The following SEPTIN9 variants were observed in gnomAD, a reference collection of about 807,000 sequenced individuals.
SEPTIN9 encodes septin 9, also known as septin-9.
SEPTIN9 carries 13 observed loss-of-function variants against 56.6 expected under a neutral mutation model. The observed-to-expected ratio is 0.23, with a 90% confidence interval of 0.15 to 0.37. The LOEUF (loss-of-function observed/expected upper bound fraction) is 0.37, where lower values mean the gene tolerates loss of function less well. Ranked by LOEUF, SEPTIN9 falls within the 10% of genes least tolerant of loss-of-function variation. The pLI is 1.00. For missense variants in SEPTIN9, 650 were observed against 823.1 expected (o/e 0.79, Z 2.57); for synonymous variants, 332 against 334.1 (o/e 0.99, Z 0.07).
At chr17:77,289,868 C>G (rs1424726605) in intron 1 of SEPTIN9, among the ~76,000 whole-genome samples, 1 of 152,182 alleles carries the variant, frequency 6.6e-6, no homozygotes, top group East Asian at 1.9e-4. Flanking sequence ...CAATCATTGG[C>G]TGTAGCATTT....
At chr17:77,359,064 G>A (rs973668083) in intron 2 of SEPTIN9, among the ~76,000 whole-genome samples, 4 of 152,178 alleles carry the variant, frequency 2.6e-5, no homozygotes, top group Non-Finnish European at 2.9e-5. Context: ...AGGGAAGAAG[G>A]GAGAGGGGAA....
chr17:77,374,538 G>C (rs1478448776), intron 2 of SEPTIN9: 1 of 152,260 alleles, frequency 6.6e-6, no homozygotes, highest in Non-Finnish European at 1.5e-5. Context: ...CCGCCCCTCG[G>C]AGAGGCTCCT....
Position 77,499,587 on chromosome 17 carries a change from G to T in SEPTIN9, c.*929G>T, listed in dbSNP as rs1218194901. 2.3e-6 allele frequency: 1 copy of T among 444,364 alleles called. No homozygotes were observed. The highest frequency in any genetic ancestry group is 3.3e-5 in the Admixed American group (1 of 30,484). 27.5% of individuals were successfully genotyped at this position (444,364 alleles called of 1,614,324 possible). ...GGGGGCACGTGTGGGCCGTGGCTTG[G>T]GCTGGTCAGAGTGGCGTGAGCTGCC... On this transcript the variant is annotated 3_prime_UTR_variant, in exon 12 of 12. Transcript: ENST00000427177.
intron 4 of SEPTIN9, chr17:77,482,781 C>T (rs1344893124): frequency 3.0e-5 from 17 of 557,750 alleles, no homozygotes; most frequent in African/African-American, 9.4e-5. Flanking sequence ...ATTGGGGCCT[C>T]GTGGCTTCCA....
chr17:77,358,225 G>A (rs990479405), intron 2 of SEPTIN9, among the ~76,000 whole-genome samples: 2 of 152,190 alleles, frequency 1.3e-5, no homozygotes, highest in African/African-American at 2.4e-5. Flanking sequence ...TTGGGGGTGT[G>A]AGCAGCCCAG....
rs1448696023 is a variant in SEPTIN9, at chr17:77,405,010, G to A, written c.721+2307G>A. On this transcript the variant is annotated intron_variant, in intron 3 of 11. Coordinates refer to ENST00000427177, the MANE Select transcript of SEPTIN9 (RefSeq NM_001113491.2). The surrounding 1 kb of genome is among the most constrained non-coding windows in gnomAD (Gnocchi z 5.8). Reference sequence around the variant, plus strand: ...GACGTGCCGGATACACCCCCATCCTGGGTTGATGTGTTCACACTCAGCTGA... The same window carrying A: ...GACGTGCCGGATACACCCCCATCCTAGGTTGATGTGTTCACACTCAGCTGA... 7.1e-7 allele frequency: 1 copy of A among 1,415,892 alleles called. No homozygotes were observed. The highest frequency in any genetic ancestry group is 9.6e-7 in the Non-Finnish European group (1 of 1,046,428). 87.7% of individuals were successfully genotyped at this position (1,415,892 alleles called of 1,614,324 possible).
At position 77,369,858 on chromosome 17, in the gene SEPTIN9, C is replaced by T. The variant is rs912712445; in HGVS notation, c.77-32201C>T. On this transcript the variant is annotated intron_variant, in intron 2 of 11. Coordinates refer to ENST00000427177, the MANE Select transcript of SEPTIN9 (RefSeq NM_001113491.2). The surrounding 1 kb of genome is among the most constrained non-coding windows in gnomAD (Gnocchi z 4.9). The stretch of plus-strand genomic sequence containing the variant: ...ATGTGTGCGCCAAACGCTGCTTCCT[C>T]GTGGATTTCCTCCCCACTCCGTTCC... 2.5e-4 allele frequency among the ~76,000 whole-genome samples: 38 copies of T among 152,220 alleles called. No individual in the cohort carries two copies. Among genetic ancestry groups the T allele is most frequent in the Admixed American group, 1.3e-3 (20 of 15,288 alleles).
intron 2 of SEPTIN9, 99 bp from the exon 3 acceptor site, chr17:77,401,960 G>C: frequency 2.3e-6 from 3 of 1,288,398 alleles, no homozygotes; most frequent in Non-Finnish European, 3.2e-6. Flanking sequence ...CCTCACCGCC[G>C]CATCGCCTGC....
intron 7 of SEPTIN9, among the ~76,000 whole-genome samples, chr17:77,489,515 G>A (rs1323978776): frequency 1.3e-5 from 2 of 152,228 alleles, no homozygotes; most frequent in Non-Finnish European, 2.9e-5. Flanking sequence ...CTGAGCCAGG[G>A]CTGGGAGGAG....
At chr17:77,334,960 A>G (rs778593032) in intron 2 of SEPTIN9, among the ~76,000 whole-genome samples, 20 of 152,164 alleles carry the variant, frequency 1.3e-4, no homozygotes, top group Non-Finnish European at 2.8e-4. Context: ...ATATTAGTAT[A>G]TGTACGTATA....
In SEPTIN9 at chr17:77,498,997, A is replaced by G. The variant is rs983755394; in HGVS notation, c.*339A>G. 5.6e-6 allele frequency: 3 copies of G among 539,920 alleles called. No homozygotes were observed. The highest frequency in any genetic ancestry group is 1.1e-5 in the Non-Finnish European group (3 of 279,134). The allele number at this position is 539,920 out of a possible 1,614,324, so 33.4% of individuals were successfully genotyped here. On this transcript the variant is annotated 3_prime_UTR_variant, in exon 12 of 12. Coordinates refer to ENST00000427177, the MANE Select transcript of SEPTIN9 (RefSeq NM_001113491.2). Reference sequence around the variant, plus strand: ...GATCATCCGTCTGTGTGGGGTTCTCAGTGCCGGAGGCCTTGGGGTGGGGGC... The same window carrying G: ...GATCATCCGTCTGTGTGGGGTTCTCGGTGCCGGAGGCCTTGGGGTGGGGGC...
rs757653992 is a variant in SEPTIN9 at position 77,451,907 on chromosome 17, G to A, written c.722-30237G>A. Among the ~76,000 whole-genome samples, 1 of 152,186 alleles carries A rather than the reference G, an allele frequency of 6.6e-6. No homozygotes were observed. Among genetic ancestry groups the A allele is most frequent in the Non-Finnish European group, 1.5e-5 (1 of 68,038 alleles). On this transcript the variant is annotated intron_variant, in intron 3 of 11. Transcript: ENST00000427177. This position sits in a 1 kb window ranked among gnomAD's most constrained non-coding sequence, Gnocchi z 4.2. ...TTCCAGGAGGGCCAGGAAGAAATTCGAATTGGCCACCGCTTTCTCTAAAAT... is the reference window on the plus strand; with the variant it reads ...TTCCAGGAGGGCCAGGAAGAAATTCAAATTGGCCACCGCTTTCTCTAAAAT...
Position 77,400,997 on chromosome 17 carries a change from G to C in SEPTIN9, c.77-1062G>C, listed in dbSNP as rs189725705. On this transcript the variant is annotated intron_variant, in intron 2 of 11. Coordinates refer to ENST00000427177, the MANE Select transcript of SEPTIN9 (RefSeq NM_001113491.2). This position sits in a 1 kb window ranked among gnomAD's most constrained non-coding sequence, Gnocchi z 4.1. ...GAGCTGGTGGTTGGCATCACTGCAC[G>C]GGCTTGTAGTAGTGGATGGGAAGAT... Among the ~76,000 whole-genome samples the C allele has an allele frequency of 2.3e-3, 348 of 152,256 alleles. No individual in the cohort carries two copies. The highest frequency in any genetic ancestry group is 7.9e-3 in the African/African-American group (329 of 41,532).
At position 77,307,250 on chromosome 17, in the gene SEPTIN9, T is replaced by C. The variant is rs1385237644; in HGVS notation, c.76+53T>C. ...ACCCAGCTCATGGGTGTGTTTGTGC[T>C]GGGGTCCCTTCATTCTGGTCTGGGA... On this transcript the variant is annotated intron_variant, in intron 2 of 11. Transcript: ENST00000427177. 4.6e-6 allele frequency: 7 copies of C among 1,525,634 alleles called. No individual in the cohort carries two copies. The South Asian group carries it at 7.8e-5, about 17-fold the overall frequency. 94.5% of individuals were successfully genotyped at this position (1,525,634 alleles called of 1,614,324 possible).
chr17:77,400,724 G>T lies in SEPTIN9; in HGVS notation c.77-1335G>T. 6.6e-6 allele frequency: 1 copy of T among 152,648 alleles called. No homozygotes were observed. The highest frequency in any genetic ancestry group is 6.5e-5 in the Admixed American group (1 of 15,308). The allele number at this position is 152,648 out of a possible 1,614,324, so 9.5% of individuals were successfully genotyped here. ...GACCCGGACTCTGTGGCCTGGTGAG[G>T]CAGGGAGCGGCTGGGGAGACACTGT... On this transcript the variant is annotated intron_variant, in intron 2 of 11. Coordinates refer to ENST00000427177, the MANE Select transcript of SEPTIN9 (RefSeq NM_001113491.2). This position sits in a 1 kb window ranked among gnomAD's most constrained non-coding sequence, Gnocchi z 4.1.
intron 2 of SEPTIN9, chr17:77,320,145 G>C (rs1255575313): frequency 1.1e-5 from 16 of 1,503,350 alleles, no homozygotes; most frequent in Non-Finnish European, 1.3e-5. Flanking sequence ...TGGAAATGTG[G>C]TAATTCGGAT....
chr17:77,384,122 G>T (rs1281267268), intron 2 of SEPTIN9, among the ~76,000 whole-genome samples: 1 of 152,194 alleles, frequency 6.6e-6, no homozygotes, highest in African/African-American at 2.4e-5. Flanking sequence ...CCGGAGTGGG[G>T]TGATTCGCAA....
Position 77,402,071 on chromosome 17 carries a change from C to A in SEPTIN9, c.89C>A (p.Ser30Tyr). 1 of 1,612,808 alleles carries A rather than the reference C, an allele frequency of 6.2e-7. No homozygotes were observed. Reference sequence around the variant, plus strand: ...CTTTATTTTTCAGCCTTGAAAAGATCTTTTGAGGTCGAGGAGGTCGAGACA... The same window carrying A: ...CTTTATTTTTCAGCCTTGAAAAGATATTTTGAGGTCGAGGAGGTCGAGACA... The part of the protein sequence containing the change: ...GDSSGPALKR[S>Y]FEVEEVETPN... Residue 30 changes from serine to tyrosine, a missense_variant, in exon 3 of 12, where the codon TCT becomes TAT. By Grantham distance (144) the Ser-to-Tyr change is moderately radical. Transcript: ENST00000427177. This position sits in a 1 kb window ranked among gnomAD's most constrained non-coding sequence, Gnocchi z 6.6.
chr17:77,358,019 A>G (rs1368377290), intron 2 of SEPTIN9, among the ~76,000 whole-genome samples: 1 of 152,224 alleles, frequency 6.6e-6, no homozygotes, highest in Non-Finnish European at 1.5e-5. Context: ...CCAAGCTCCT[A>G]TTTTAGGCCA....
Sources: gnomAD v4.1 joint callset for allele counts (sites outside exome capture counted in the v4.1 genomes callset) on GRCh38, gnomAD v4.1.1 for gene constraint, Gnocchi (gnomAD v3.1) non-coding constraint, MANE v1.5 for transcripts, NCBI Gene and HGNC (gene_info 2026-07-23, HGNC 2026-07-21) for gene names.